DDX27: variants seen among roughly 807,000 people sequenced by gnomAD.
DDX27 encodes the protein probable ATP-dependent RNA helicase DDX27.
Under a neutral mutation model 99.3 loss-of-function variants are expected in DDX27, and 42 were observed. The ratio of observed to expected loss-of-function variants is 0.42; its 90% CI spans 0.33 to 0.55. DDX27 has a LOEUF of 0.55. Among genes scored for constraint, DDX27 ranks in the 20% least tolerant of loss-of-function variants. The pLI, the probability that DDX27 is intolerant of heterozygous loss-of-function variation, is 0.07. For missense variants in DDX27, 798 were observed against 976.8 expected (o/e 0.82, Z 2.44); for synonymous variants, 329 against 353.8 (o/e 0.93, Z 0.79).
In DDX27 at chr20:49,239,678, C is replaced by T. The variant is rs186650585; in HGVS notation, c.1897+340C>T. Among the ~76,000 whole-genome samples the T allele has an allele frequency of 2.1e-3, 311 of 149,534 alleles. 1 individual carries two copies. The highest frequency in any genetic ancestry group is 7.1e-3 in the Admixed American group (105 of 14,784). The stretch of plus-strand genomic sequence containing the variant: ...CTGCTGTGCAGCCTGGTTCCTAATA[C>T]GCCATGGACTGGAACCGGTATGCAG... On this transcript the variant is annotated intron_variant, in intron 16 of 20. Coordinates refer to ENST00000618172, the MANE Select transcript of DDX27 (RefSeq NM_017895.8).
Position 49,242,005 on chromosome 20 carries a change from T to A in DDX27, c.1992+18T>A, listed in dbSNP as rs372418785. On this transcript the variant is annotated intron_variant, in intron 17 of 20. Coordinates refer to ENST00000618172, the MANE Select transcript of DDX27 (RefSeq NM_017895.8). ...AGATGACAGTGAGTGGCCTCCCTTT[T>A]GGAGTTTGGGCCCACTCGGTGGGGT... The A allele has an allele frequency of 1.9e-6, 3 of 1,613,678 alleles. No individual in the cohort carries two copies. The highest frequency in any genetic ancestry group is 2.5e-6 in the Non-Finnish European group (3 of 1,179,838).
rs777058770 is a variant in DDX27, at chr20:49,243,597, T to C, written c.2205-32T>C. ...GACAACACCCATTTGTTCAACAGTT[T>C]GCTCATTTCAGCATGTCATCTTCTC... On this transcript the variant is annotated intron_variant, in intron 19 of 20. Coordinates refer to ENST00000618172, the MANE Select transcript of DDX27 (RefSeq NM_017895.8). The C allele has an allele frequency of 3.7e-6, 6 of 1,606,214 alleles. No individual in the cohort carries two copies. The South Asian group carries it at 6.6e-5, about 18-fold the overall frequency.
chr20:49,225,336 T>C, intron 6 of DDX27, 137 bp downstream of exon 6: 1 of 718,502 alleles, frequency 1.4e-6, no homozygotes, highest in Non-Finnish European at 2.4e-6. Flanking sequence ...CCACTGTGCC[T>C]GGCCAGTAGT....
intron 9 of DDX27, among the ~76,000 whole-genome samples, chr20:49,231,567 G>A (rs1447740456): frequency 6.6e-6 from 1 of 152,220 alleles, no homozygotes; most frequent in African/African-American, 2.4e-5. Flanking sequence ...ACTGTAGCCT[G>A]CACTGGGGAG....
At chr20:49,223,219 C>T in intron 3 of DDX27, 49 bp from the exon 4 acceptor site, 1 of 1,576,510 alleles carries the variant, frequency 6.3e-7, no homozygotes, top group Non-Finnish European at 8.6e-7. Flanking sequence ...TACTTAGGTT[C>T]TGGATTTCTA....
chr20:49,239,455 A>G, intron 16 of DDX27, 117 bp downstream of exon 16: 4 of 717,862 alleles, frequency 5.6e-6, no homozygotes, highest in Admixed American at 2.9e-5. Flanking sequence ...GGCACCAAGG[A>G]CCAGTATCGT....
At chr20:49,224,224 G>A (rs914845232) in intron 4 of DDX27, among the ~76,000 whole-genome samples, 1 of 152,042 alleles carries the variant, frequency 6.6e-6, no homozygotes, top group Non-Finnish European at 1.5e-5. Context: ...TGTTTGGGTT[G>A]TTGTACTTCA....
At chr20:49,240,568 C>T (rs1377706086) in intron 16 of DDX27, among the ~76,000 whole-genome samples, 2 of 152,206 alleles carry the variant, frequency 1.3e-5, no homozygotes, top group African/African-American at 2.4e-5. Context: ...GCTGGGACTA[C>T]AGGTGCCTGC....
At chr20:49,229,257 C>G (rs1040384490) in intron 8 of DDX27, among the ~76,000 whole-genome samples, 1 of 152,008 alleles carries the variant, frequency 6.6e-6, no homozygotes, top group Admixed American at 6.6e-5. Flanking sequence ...GTCTCGATCT[C>G]CTGACCTCGT....
chr20:49,242,307 A>G (rs1024475754), intron 18 of DDX27, 101 bp downstream of exon 18: 19 of 1,522,372 alleles, frequency 1.2e-5, no homozygotes, highest in Non-Finnish European at 1.6e-5. Flanking sequence ...AGTAGCCCAC[A>G]TTATTTGAGT....
At chr20:49,238,823 T>A (rs1229764635) in intron 14 of DDX27, 126 bp from the exon 15 acceptor site, 1 of 475,626 alleles carries the variant, frequency 2.1e-6, no homozygotes, top group Non-Finnish European at 3.8e-6. Flanking sequence ...TTGCCCAGGC[T>A]GGCCTCAAAT....
Position 49,228,831 on chromosome 20 carries a change from C to T in DDX27, c.823C>T (p.His275Tyr). The change falls in exon 8 of 21, where the codon CAC becomes TAC. Residue 275 changes from histidine (H) to tyrosine (Y), a missense_variant. His to Tyr is a moderately conservative substitution (Grantham distance 83). Coordinates refer to ENST00000618172, the MANE Select transcript of DDX27 (RefSeq NM_017895.8). Reference sequence around the variant, plus strand: ...CACCCGAGAGCTGGGCATCCAGGTGCACTCTGTCACCAGACAGCTGGCCCA... The same window carrying T: ...CACCCGAGAGCTGGGCATCCAGGTGTACTCTGTCACCAGACAGCTGGCCCA... ...VPTRELGIQV[H>Y]SVTRQLAQFC... 6.2e-7 allele frequency: 1 copy of T among 1,612,318 alleles called. No homozygotes were observed. Among genetic ancestry groups the T allele is most frequent in the Non-Finnish European group, 8.5e-7 (1 of 1,178,956 alleles).
At position 49,221,551 on chromosome 20, in the gene DDX27, G is replaced by C. The variant is rs149888744; in HGVS notation, c.193G>C (p.Asp65His). Reference protein sequence around the residue: ...FVFTEKEGTYDGSWALADVMS... With the variant: ...FVFTEKEGTYHGSWALADVMS... ...TTTCACTGAGAAGGAGGGGACGTAC[G>C]ATGGCAGCTGGGCCCTGGCTGATGT... Residue 65 changes from aspartate to histidine, a missense_variant, in exon 2 of 21, where the codon GAT becomes CAT. Coordinates refer to ENST00000618172, the MANE Select transcript of DDX27 (RefSeq NM_017895.8). 2 of 1,612,990 alleles carry C rather than the reference G, an allele frequency of 1.2e-6. No homozygotes were observed. Among genetic ancestry groups the C allele is most frequent in the Non-Finnish European group, 8.5e-7 (1 of 1,179,538 alleles).
chr20:49,229,866 G>A (rs1287201511), intron 8 of DDX27, among the ~76,000 whole-genome samples: 1 of 151,962 alleles, frequency 6.6e-6, no homozygotes, highest in Non-Finnish European at 1.5e-5. Flanking sequence ...GGCTGGTCTC[G>A]AATTCCTGAC....
intron 7 of DDX27, among the ~76,000 whole-genome samples, chr20:49,227,957 C>T (rs544575817): frequency 1.2e-3 from 177 of 151,752 alleles, no homozygotes; most frequent in African/African-American, 4.2e-3. Flanking sequence ...TCTCCTGCCT[C>T]AGCCTCCTGA....
intron 6 of DDX27, 37 bp from the exon 7 acceptor site, chr20:49,226,393 C>T (rs374577041): frequency 1.8e-5 from 28 of 1,559,834 alleles, no homozygotes; most frequent in Middle Eastern, 1.7e-4. Context: ...AGACTTCCCC[C>T]GCTCAACCCT....
At chr20:49,235,945 G>A (rs1161694141) in intron 12 of DDX27, 11 of 364,436 alleles carry the variant, frequency 3.0e-5, no homozygotes, top group Non-Finnish European at 5.0e-5. Context: ...GGGTTTCACC[G>A]TGTTAGCGAG....
intron 12 of DDX27, 80 bp downstream of exon 12, chr20:49,235,168 A>T (rs1980261900): frequency 6.8e-7 from 1 of 1,469,204 alleles, no homozygotes; most frequent in African/African-American, 1.4e-5. Context: ...GACCCTGAGC[A>T]TTCTATTAGA....
In DDX27 at chr20:49,233,727, G is replaced by T; in HGVS notation, c.1273+18G>T. 1 of 1,607,708 alleles carries T rather than the reference G, an allele frequency of 6.2e-7. No homozygotes were observed. On this transcript the variant is annotated intron_variant, in intron 11 of 20. Transcript: ENST00000618172. Reference sequence around the variant, plus strand: ...CGTGGCAGGTGGCAGCACAGGGCAAGCCTGGGCAGGGTGGGCTGGTCAGCT... The same window carrying T: ...CGTGGCAGGTGGCAGCACAGGGCAATCCTGGGCAGGGTGGGCTGGTCAGCT...
Sources: allele counts gnomAD v4.1 joint callset (sites outside exome capture counted in the v4.1 genomes callset), GRCh38; gene constraint gnomAD v4.1.1; transcripts MANE v1.5; gene names NCBI Gene and HGNC (gene_info 2026-07-23, HGNC 2026-07-21).